SYT17: variants seen among roughly 807,000 people sequenced by gnomAD.
SYT17 encodes synaptotagmin-17.
In SYT17, 22 loss-of-function variants were observed where a neutral mutation model predicts 46.7. The observed-to-expected ratio is 0.47, with a 90% CI of 0.34 to 0.67. SYT17 has a LOEUF of 0.67. SYT17 is among the 30% of genes least tolerant of loss of function. SYT17 has a pLI of 0.01. For synonymous variants in SYT17, 251 were observed against 248.4 expected (o/e 1.01, Z -0.10); for missense variants, 519 against 612.8 (o/e 0.85, Z 1.62).
chr16:19,180,638 G>C, intron 4 of SYT17, 99 bp downstream of exon 4: 1 of 1,454,002 alleles, frequency 6.9e-7, no homozygotes, highest in Non-Finnish European at 9.4e-7. Context: ...CTGGGGGAGG[G>C]CGGCAGAGTG....
chr16:19,200,012 T>G (rs1212682136), intron 5 of SYT17, among the ~76,000 whole-genome samples: 1 of 152,236 alleles, frequency 6.6e-6, no homozygotes, highest in African/African-American at 2.4e-5. Flanking sequence ...GCCAGGGAGT[T>G]AGGAAACTTG....
rs942521836 is a variant in SYT17, at chr16:19,222,296, C to T, written c.952-749C>T. Among the ~76,000 whole-genome samples, 7 of 150,148 alleles carry T rather than the reference C, an allele frequency of 4.7e-5. No homozygotes were observed. The South Asian group carries it at 1.5e-3, about 32-fold the overall frequency. ...TATATGGCTGAAATTTTCTACAATA[C>T]TTTTTTTTTTAAAAGGGGACAGAGA... On this transcript the variant is annotated intron_variant, in intron 5 of 7. Transcript: ENST00000355377.
At chr16:19,220,005 G>C (rs1286500769) in intron 5 of SYT17, among the ~76,000 whole-genome samples, 2 of 152,162 alleles carry the variant, frequency 1.3e-5, no homozygotes, top group East Asian at 3.8e-4. Flanking sequence ...TGTCAGCAGG[G>C]TCATGCCCTA....
At chr16:19,248,196 G>A (rs762089384) in intron 7 of SYT17, among the ~76,000 whole-genome samples, 13 of 152,174 alleles carry the variant, frequency 8.5e-5, no homozygotes, top group Non-Finnish European at 1.8e-4. Flanking sequence ...CACTAGTACA[G>A]TTAAGTTTAA....
At chr16:19,265,744 C>A (rs1266588742) in intron 7 of SYT17, among the ~76,000 whole-genome samples, 1 of 152,228 alleles carries the variant, frequency 6.6e-6, no homozygotes, top group African/African-American at 2.4e-5. Flanking sequence ...ACTACCCACA[C>A]ACAGATCAAG....
chr16:19,260,495 C>A (rs1968891399), intron 7 of SYT17, among the ~76,000 whole-genome samples: 1 of 116,186 alleles, frequency 8.6e-6, no homozygotes, highest in Non-Finnish European at 1.7e-5. Flanking sequence ...CAGAGAGAGA[C>A]CTTGTCTCAA....
rs1334667681 is a variant in SYT17 at position 19,168,745 on chromosome 16, G to A, written c.15+84G>A. 1.6e-5 allele frequency: 22 copies of A among 1,398,010 alleles called. No homozygotes were observed. Among genetic ancestry groups the A allele is most frequent in the Non-Finnish European group, 1.9e-5 (20 of 1,063,770 alleles). The allele number at this position is 1,398,010 out of a possible 1,614,324, so 86.6% of individuals were successfully genotyped here. ...CGGCTGGGAGCGCGCGGAAGGGAGGGCCCACGGCTAGGCTCCCACAAACTT... is the reference window on the plus strand; with the variant it reads ...CGGCTGGGAGCGCGCGGAAGGGAGGACCCACGGCTAGGCTCCCACAAACTT... On this transcript the variant is annotated intron_variant, in intron 1 of 7. Transcript: ENST00000355377. This position sits in a 1 kb window ranked among gnomAD's most constrained non-coding sequence, Gnocchi z 6.9.
At chr16:19,186,394 G>A (rs1243757302) in intron 5 of SYT17, among the ~76,000 whole-genome samples, 1 of 152,142 alleles carries the variant, frequency 6.6e-6, no homozygotes, top group East Asian at 1.9e-4. Flanking sequence ...TGAGGCAGGA[G>A]GATTGCTCGA....
In SYT17 at chr16:19,173,628, C is replaced by T. The variant is rs771687697; in HGVS notation, c.182+50C>T. 1.9e-6 allele frequency: 3 copies of T among 1,592,226 alleles called. No individual in the cohort carries two copies. In the Admixed American group the frequency reaches 5.2e-5, roughly 27 times the overall value. ...TCTGAAATCAATTTCAAGACTTTTCCTTTTTAATGAGAAGGCGGGTTGGGG... is the reference window on the plus strand; with the variant it reads ...TCTGAAATCAATTTCAAGACTTTTCTTTTTTAATGAGAAGGCGGGTTGGGG... On this transcript the variant is annotated intron_variant, in intron 3 of 7. Transcript: ENST00000355377.
chr16:19,243,536 G>T (rs1017544108), intron 7 of SYT17, among the ~76,000 whole-genome samples: 4 of 152,104 alleles, frequency 2.6e-5, no homozygotes, highest in African/African-American at 7.2e-5. Flanking sequence ...CTGGCTGGGC[G>T]CAGTGGCTCA....
intron 7 of SYT17, among the ~76,000 whole-genome samples, chr16:19,248,641 C>T (rs1217238565): frequency 2.6e-5 from 4 of 151,802 alleles, no homozygotes; most frequent in African/African-American, 9.7e-5. Flanking sequence ...GCCAACATGG[C>T]GAAACCCCAT....
intron 1 of SYT17, among the ~76,000 whole-genome samples, chr16:19,169,071 C>T (rs2142485969): frequency 6.6e-6 from 1 of 152,070 alleles, no homozygotes; most frequent in Middle Eastern, 3.4e-3. Context: ...GCTAATTGGC[C>T]GGCGGAGCGA....
chr16:19,226,529 C>T (rs1040326681), intron 7 of SYT17, among the ~76,000 whole-genome samples: 2 of 152,172 alleles, frequency 1.3e-5, no homozygotes, highest in Non-Finnish European at 2.9e-5. Flanking sequence ...GGCCTGTCAC[C>T]CATAGAGTCT....
At chr16:19,235,075 C>T (rs1966832009) in intron 7 of SYT17, among the ~76,000 whole-genome samples, 1 of 152,128 alleles carries the variant, frequency 6.6e-6, no homozygotes, top group African/African-American at 2.4e-5. Flanking sequence ...GCAGTAGGCA[C>T]TCAGCGCCAG....
chr16:19,216,331 T>A (rs951654393), intron 5 of SYT17, among the ~76,000 whole-genome samples: 2 of 152,136 alleles, frequency 1.3e-5, no homozygotes, highest in Admixed American at 6.6e-5. Context: ...TCAGTCTGTC[T>A]TGGGTTTCAT....
At chr16:19,249,275 A>AAAATAAATAAATAAATAAATAAAT (rs71375627) in intron 7 of SYT17, among the ~76,000 whole-genome samples, 2 of 145,264 alleles carry the variant, frequency 1.4e-5, no homozygotes, top group African/African-American at 2.5e-5. Context: ...CGCCGTCTCA[A>AAAATAAATAAATAAATAAATAAAT]AAATAAATAA....
chr16:19,205,343 T>C (rs1175383185), intron 5 of SYT17, among the ~76,000 whole-genome samples: 2 of 152,070 alleles, frequency 1.3e-5, no homozygotes, highest in Non-Finnish European at 2.9e-5. Flanking sequence ...GCCTTTGCAC[T>C]ACCATGTCTC....
At chr16:19,246,991 G>A (rs1967623876) in intron 7 of SYT17, among the ~76,000 whole-genome samples, 1 of 152,182 alleles carries the variant, frequency 6.6e-6, no homozygotes, top group South Asian at 2.1e-4. Context: ...GATGCATGGG[G>A]TGAGGGTGAC....
At chr16:19,230,605 G>A (rs1394911892) in intron 7 of SYT17, among the ~76,000 whole-genome samples, 3 of 152,322 alleles carry the variant, frequency 2.0e-5, no homozygotes, top group Non-Finnish European at 4.4e-5. Context: ...GTACCTGGAT[G>A]CTGATGCTGG....
Sources: gnomAD v4.1 joint callset for allele counts (sites outside exome capture counted in the v4.1 genomes callset) on GRCh38, gnomAD v4.1.1 for gene constraint, Gnocchi (gnomAD v3.1) non-coding constraint, MANE v1.5 for transcripts, NCBI Gene and HGNC (gene_info 2026-07-23, HGNC 2026-07-21) for gene names.